Variants in HSPG2 observed in about 807,000 individuals in gnomAD.
The protein encoded by HSPG2 is heparan sulfate proteoglycan 2.
HSPG2 carries 278 observed loss-of-function variants against 526.6 expected under a neutral mutation model. That is an observed-to-expected ratio of 0.53 (90% CI 0.48 to 0.58). The LOEUF is 0.58. Among genes scored for constraint, HSPG2 ranks in the 20% least tolerant of loss-of-function variants. HSPG2 has a pLI of 0.00. For synonymous variants in HSPG2, 2,465 were observed against 2,555.4 expected (o/e 0.96, Z 1.07); for missense variants, 5,354 against 6,099.5 (o/e 0.88, Z 4.07).
rs1220546616 is a variant in HSPG2 at position 21,890,370 on chromosome 1, C to G, written c.413+57G>C. ...CAGGCTTCCTTCCCATCCTCATCAGCCCCCTCCAGGTTACCCGCTCAAGTC... is the reference window on the plus strand; with the variant it reads ...CAGGCTTCCTTCCCATCCTCATCAGGCCCCTCCAGGTTACCCGCTCAAGTC... On this transcript the variant is annotated intron_variant, in intron 5 of 96. Transcript: ENST00000374695. The surrounding 1 kb of genome is among the most constrained non-coding windows in gnomAD (Gnocchi z 4.1). 6 of 1,539,506 alleles carry G rather than the reference C, an allele frequency of 3.9e-6. No individual in the cohort carries two copies. Among genetic ancestry groups the G allele is most frequent in the Middle Eastern group, 1.7e-4 (1 of 5,932 alleles).
chr1:21,925,864 TTTTTTA>T (rs759859423), intron 1 of HSPG2, among the ~76,000 whole-genome samples: 32 of 151,664 alleles, frequency 2.1e-4, no homozygotes, highest in Non-Finnish European at 4.3e-4. Context: ...TTCCCTCTAT[TTTTTTA>T]TTTTTATTTT....
chr1:21,895,866 C>A lies in HSPG2; in HGVS notation c.244+56G>T. 1.3e-6 allele frequency: 2 copies of A among 1,561,194 alleles called. No individual in the cohort carries two copies. Among genetic ancestry groups the A allele is most frequent in the Non-Finnish European group, 8.8e-7 (1 of 1,132,986 alleles). On this transcript the variant is annotated intron_variant, in intron 3 of 96. Coordinates refer to ENST00000374695, the MANE Select transcript of HSPG2 (RefSeq NM_005529.7). This position sits in a 1 kb window ranked among gnomAD's most constrained non-coding sequence, Gnocchi z 4.1. Reference sequence around the variant, plus strand: ...GAGCCCTCAGCCCAGGAGACTGGCTCTGGGGCTTCCCTGGGGGACAGGAGG... The same window carrying A: ...GAGCCCTCAGCCCAGGAGACTGGCTATGGGGCTTCCCTGGGGGACAGGAGG...
intron 44 of HSPG2, among the ~76,000 whole-genome samples, chr1:21,856,582 T>A (rs1299399789): frequency 6.8e-6 from 1 of 146,548 alleles, no homozygotes; most frequent in East Asian, 2.0e-4. Flanking sequence ...CACACCCAGC[T>A]AGTTTTTGTA....
chr1:21,887,515 T>C lies in HSPG2; in HGVS notation c.863A>G (p.Gln288Arg), dbSNP rs1553172733. 4 of 1,613,948 alleles carry C rather than the reference T, an allele frequency of 2.5e-6. No homozygotes were observed. The highest frequency in any genetic ancestry group is 3.4e-6 in the Non-Finnish European group (4 of 1,179,980). Residue 288 changes from glutamine (Q) to arginine (R), a missense_variant, in exon 8 of 97, where the codon CAG (glutamine) becomes CGG (arginine). Physicochemically the swap from Gln to Arg is conservative, Grantham distance 43. Transcript: ENST00000374695. This position sits in a 1 kb window ranked among gnomAD's most constrained non-coding sequence, Gnocchi z 5.0. ...GSVRPLPCGP[Q>R]EAACRNGHCI... ...GTGCCCATTGCGGCATGCGGCCTCC[T>C]GGGGCCCACAGGGCAGGGGCCTGAC...
chr1:21,881,650 A>C (rs1641518311), intron 13 of HSPG2, 148 bp from the exon 14 acceptor site: 1 of 808,604 alleles, frequency 1.2e-6, no homozygotes. Context: ...AGTGAAGAAA[A>C]TGCAGTTTTT....
rs1313515003 is a variant in HSPG2, at chr1:21,904,045, T to TACCC, written c.64-7736_64-7735insGGGT. ...GTCACTTCAACCTCGACTTACGGGG[T>TACCC]ACCTACTATGTGCTGGGCCCGGGGG... On this transcript the variant is annotated intron_variant, in intron 1 of 96. Transcript: ENST00000374695. The surrounding 1 kb of genome is among the most constrained non-coding windows in gnomAD (Gnocchi z 4.4). Among the ~76,000 whole-genome samples, 7 of 152,174 alleles carry TACCC rather than the reference T, an allele frequency of 4.6e-5. No individual in the cohort carries two copies. The highest frequency in any genetic ancestry group is 1.7e-4 in the African/African-American group (7 of 41,456).
intron 71 of HSPG2, among the ~76,000 whole-genome samples, chr1:21,840,847 AC>A (rs2098045600): frequency 6.6e-6 from 1 of 151,768 alleles, no homozygotes; most frequent in South Asian, 2.1e-4. Flanking sequence ...CCCTCATGAC[AC>A]CCCATTAGTC....
chr1:21,830,546 CA>C (rs763512342), intron 85 of HSPG2: 190 of 274,566 alleles, frequency 6.9e-4, no homozygotes, highest in Non-Finnish European at 1.2e-3. Context: ...AAAATTTAGC[CA>C]GGGGTGGTGG....
intron 33 of HSPG2, chr1:21,870,869 C>T (rs1361605996): frequency 5.1e-6 from 5 of 986,148 alleles, no homozygotes; most frequent in South Asian, 4.7e-5. Flanking sequence ...AAGTACGCCT[C>T]CCCCTGTGGG....
Position 21,847,616 on chromosome 1 carries a change from G to T in HSPG2, c.8025+73C>A. 1 of 1,605,468 alleles carries T rather than the reference G, an allele frequency of 6.2e-7. No homozygotes were observed. The highest frequency in any genetic ancestry group is 1.3e-5 in the African/African-American group (1 of 74,852). ...TCGGTCTACCCAGGGCCCAATCCGT[G>T]AGACAGGGAGCCTGCTCTGCTCACC... is the stretch of plus-strand genomic sequence containing the variant. On this transcript the variant is annotated intron_variant, in intron 61 of 96. Coordinates refer to ENST00000374695, the MANE Select transcript of HSPG2 (RefSeq NM_005529.7). The surrounding 1 kb of genome is among the most constrained non-coding windows in gnomAD (Gnocchi z 4.1).
chr1:21,843,214 G>A (rs1464389931), intron 66 of HSPG2, 83 bp downstream of exon 66: 19 of 1,587,190 alleles, frequency 1.2e-5, no homozygotes, highest in East Asian at 6.7e-5. Context: ...ATAAGTGCCC[G>A]GCTGGGAGAG....
intron 1 of HSPG2, among the ~76,000 whole-genome samples, chr1:21,907,254 C>A (rs529715792): frequency 2.0e-5 from 3 of 152,250 alleles, no homozygotes; most frequent in African/African-American, 7.2e-5. Flanking sequence ...GTGCAGAGAC[C>A]GGGGCAGGGG....
intron 1 of HSPG2, among the ~76,000 whole-genome samples, chr1:21,916,027 G>T (rs1643878351): frequency 6.8e-6 from 1 of 146,874 alleles, no homozygotes; most frequent in Non-Finnish European, 1.5e-5. Context: ...TGCCAGCCTG[G>T]GTGACAGAGC....
intron 1 of HSPG2, among the ~76,000 whole-genome samples, chr1:21,932,104 T>G (rs981697564): frequency 6.6e-6 from 1 of 151,700 alleles, no homozygotes; most frequent in Non-Finnish European, 1.5e-5. Flanking sequence ...CAGGCGTCCC[T>G]AGGAGACCCC....
intron 13 of HSPG2, 50 bp downstream of exon 13, chr1:21,884,477 AG>A (rs1268874818): frequency 1.1e-5 from 17 of 1,604,372 alleles, no homozygotes; most frequent in Non-Finnish European, 1.4e-5. Flanking sequence ...CCCTGGGTAC[AG>A]AGGTACCCAC....
chr1:21,880,318 C>G (rs754727045), intron 16 of HSPG2, 45 bp downstream of exon 16: 6 of 1,613,968 alleles, frequency 3.7e-6, no homozygotes, highest in Non-Finnish European at 4.2e-6. Context: ...TCTCCTCTAT[C>G]CTTGCTAGGG....
chr1:21,878,102 G>C (rs920860471), intron 21 of HSPG2, 84 bp downstream of exon 21: 17 of 1,268,986 alleles, frequency 1.3e-5, no homozygotes, highest in Non-Finnish European at 1.8e-5. Context: ...AGGATCTATG[G>C]AGAGGACGGA....
chr1:21,852,672 G>C (rs1638994929), intron 52 of HSPG2, 28 bp downstream of exon 52: 2 of 1,612,604 alleles, frequency 1.2e-6, no homozygotes, highest in Non-Finnish European at 1.7e-6. Flanking sequence ...GCCTCCTCCA[G>C]CTTTCCATGT....
chr1:21,824,009 C>A lies in HSPG2; in HGVS notation c.12899+112G>T. 9.0e-7 allele frequency: 1 copy of A among 1,112,150 alleles called. No individual in the cohort carries two copies. Among genetic ancestry groups the A allele is most frequent in the South Asian group, 1.3e-5 (1 of 75,404 alleles). The allele number at this position is 1,112,150 out of a possible 1,614,324, so 68.9% of individuals were successfully genotyped here. A position where few individuals can be genotyped will look rare whatever the true frequency, so the allele number is the denominator to read the frequency against. ...GGTGGGTTCTCCCCTCCCCTGGCTT[C>A]AAGTTCTGTCTCCACAGAGCTCAAT... On this transcript the variant is annotated intron_variant, in intron 95 of 96. Coordinates refer to ENST00000374695, the MANE Select transcript of HSPG2 (RefSeq NM_005529.7). The surrounding 1 kb of genome is among the most constrained non-coding windows in gnomAD (Gnocchi z 5.9).
Sources: gnomAD v4.1 joint callset for allele counts (sites outside exome capture counted in the v4.1 genomes callset) on GRCh38, gnomAD v4.1.1 for gene constraint, Gnocchi (gnomAD v3.1) non-coding constraint, MANE v1.5 for transcripts, NCBI Gene and HGNC (gene_info 2026-07-23, HGNC 2026-07-21) for gene names.